The following SEC62 variants were observed in gnomAD, a reference collection of about 807,000 sequenced individuals.
SEC62 encodes SEC62 preprotein translocation factor.
Under a neutral mutation model 47.5 loss-of-function variants are expected in SEC62, and 10 were observed. The observed-to-expected ratio is 0.21, with a 90% confidence interval of 0.13 to 0.36. The LOEUF (loss-of-function observed/expected upper bound fraction) is 0.36. Among genes scored for constraint, SEC62 ranks in the 10% least tolerant of loss-of-function variants. The probability of loss-of-function intolerance (pLI) is 1.00; values close to 1 mark genes in which losing one functional copy is unlikely to be tolerated. For synonymous variants in SEC62, 136 were observed against 150.5 expected (o/e 0.90, Z 0.71); for missense variants, 327 against 464.1 (o/e 0.70, Z 2.71).
chr3:169,972,580 C>CTTTT (rs11391826), intron 1 of SEC62, among the ~76,000 whole-genome samples: 21 of 114,926 alleles, frequency 1.8e-4, no homozygotes, highest in Non-Finnish European at 2.1e-4. Flanking sequence ...CTTTTTCTAT[C>CTTTT]TTTTTTTTTT....
chr3:169,993,096 C>A lies in SEC62; in HGVS notation c.*33C>A. Reference sequence around the variant, plus strand: ...AATTTTGGGACTGAATGAATAAGTACAAGAGGTTGGATTTTCTATGTTGGC... The same window carrying A: ...AATTTTGGGACTGAATGAATAAGTAAAAGAGGTTGGATTTTCTATGTTGGC... On this transcript the variant is annotated 3_prime_UTR_variant, in exon 8 of 8. Coordinates refer to ENST00000337002, the MANE Select transcript of SEC62 (RefSeq NM_003262.4). 1 of 1,474,018 alleles carries A rather than the reference C, an allele frequency of 6.8e-7. No homozygotes were observed. Among genetic ancestry groups the A allele is most frequent in the Non-Finnish European group, 9.1e-7 (1 of 1,100,066 alleles). The allele number at this position is 1,474,018 out of a possible 1,614,324, so 91.3% of individuals were successfully genotyped here.
intron 5 of SEC62, chr3:169,985,015 C>A (rs939358297): frequency 3.3e-5 from 5 of 152,084 alleles, no homozygotes; most frequent in African/African-American, 1.2e-4. Context: ...GAAATTAATA[C>A]AGTCATAGAG....
At chr3:169,985,522 T>A (rs1715084679) in intron 5 of SEC62, 2 of 223,018 alleles carry the variant, frequency 9.0e-6, no homozygotes, top group Non-Finnish European at 1.7e-5. Flanking sequence ...ATTATAGGCG[T>A]GAGCCACCAA....
At chr3:169,974,442 A>G (rs1714777735) in intron 1 of SEC62, among the ~76,000 whole-genome samples, 1 of 152,244 alleles carries the variant, frequency 6.6e-6, no homozygotes, top group Non-Finnish European at 1.5e-5. Flanking sequence ...GAGTAGGGAA[A>G]ATAAATTCAC....
At chr3:169,976,249 G>A (rs1193907457) in intron 2 of SEC62, among the ~76,000 whole-genome samples, 1 of 152,076 alleles carries the variant, frequency 6.6e-6, no homozygotes, top group African/African-American at 2.4e-5. Context: ...AATTAGATGA[G>A]TATGATGGCA....
chr3:169,992,618 T>C lies in SEC62; in HGVS notation c.755T>C (p.Ile252Thr), dbSNP rs1715273697. The C allele has an allele frequency of 1.2e-6, 2 of 1,613,224 alleles. No individual in the cohort carries two copies. The highest frequency in any genetic ancestry group is 1.3e-5 in the African/African-American group (1 of 74,850). Residue 252 changes from isoleucine to threonine, a missense_variant, in exon 8 of 8, where the codon ATT becomes ACT. Physicochemically the swap from Ile to Thr is moderately conservative, Grantham distance 89. Coordinates refer to ENST00000337002, the MANE Select transcript of SEC62 (RefSeq NM_003262.4). The surrounding 1 kb of genome is among the most constrained non-coding windows in gnomAD (Gnocchi z 4.0). ...AVARCILFLI[I>T]WLITGGRHHF... is the part of the protein sequence containing the mutation. ...GCTCGATGCATTCTATTTCTCATCA[T>C]TTGGCTCATAACTGGAGGAAGGCAC...
chr3:169,968,019 G>C (rs1033239023), intron 1 of SEC62, among the ~76,000 whole-genome samples: 24 of 152,044 alleles, frequency 1.6e-4, no homozygotes, highest in African/African-American at 5.8e-4. Flanking sequence ...TTTGGAATTT[G>C]GCAGAAATAA....
chr3:169,991,530 T>C (rs1331249431), intron 7 of SEC62, among the ~76,000 whole-genome samples: 2 of 152,194 alleles, frequency 1.3e-5, no homozygotes, highest in East Asian at 3.9e-4. Context: ...CTGGGCAACT[T>C]GGCAAGACCC....
rs139955653 is a variant in SEC62, at chr3:169,987,646, C to T, written c.611-594C>T. Reference sequence around the variant, plus strand: ...TTAATCCTGGTCTTATTCTAAAGACCTAATAACCAGGCTTCTAATTTCTTA... The same window carrying T: ...TTAATCCTGGTCTTATTCTAAAGACTTAATAACCAGGCTTCTAATTTCTTA... On this transcript the variant is annotated intron_variant, in intron 6 of 7. Transcript: ENST00000337002. 1.4e-3 allele frequency among the ~76,000 whole-genome samples: 212 copies of T among 152,220 alleles called. 1 individual carries two copies. The highest frequency in any genetic ancestry group is 5.1e-3 in the African/African-American group (211 of 41,542).
chr3:169,995,843 C>T lies in SEC62; in HGVS notation c.*2780C>T, dbSNP rs1439736289. The T allele has an allele frequency of 1.3e-5, 2 of 152,096 alleles. No individual in the cohort carries two copies. Among genetic ancestry groups the T allele is most frequent in the Admixed American group, 6.6e-5 (1 of 15,262 alleles). The allele number at this position is 152,096 out of a possible 1,614,324, so 9.4% of individuals were successfully genotyped here. A position where few individuals can be genotyped will look rare whatever the true frequency, so the allele number is the denominator to read the frequency against. The stretch of plus-strand genomic sequence containing the variant: ...GTAAAGACACCTTATTTAATATAAT[C>T]GATTCATTAACATTGAAGTCATGAC... On this transcript the variant is annotated 3_prime_UTR_variant, in exon 8 of 8. Coordinates refer to ENST00000337002, the MANE Select transcript of SEC62 (RefSeq NM_003262.4).
chr3:169,981,983 G>A (rs540023766), intron 3 of SEC62, among the ~76,000 whole-genome samples: 1 of 152,216 alleles, frequency 6.6e-6, no homozygotes, highest in East Asian at 1.9e-4. Context: ...TAAGTAAAGG[G>A]AACAGCCAGT....
rs1049192099 is a variant in SEC62 at position 169,994,235 on chromosome 3, T to C, written c.*1172T>C. 6.6e-6 allele frequency: 1 copy of C among 152,650 alleles called. No homozygotes were observed. The highest frequency in any genetic ancestry group is 1.5e-5 in the Non-Finnish European group (1 of 68,026). 9.5% of individuals were successfully genotyped at this position (152,650 alleles called of 1,614,324 possible). On this transcript the variant is annotated 3_prime_UTR_variant, in exon 8 of 8. Transcript: ENST00000337002. ...AGTTTTGCAGTTTGACTTTACGTCT[T>C]ATACATCTTAGTTACAAGTCTTTGG...
In SEC62 at chr3:169,992,994, G is replaced by A. The variant is rs780303617; in HGVS notation, c.1131G>A (p.Gly377=). Residue 377 remains glycine, a synonymous_variant, in exon 8 of 8, where the codon GGG becomes GGA. Transcript: ENST00000337002. This position sits in a 1 kb window ranked among gnomAD's most constrained non-coding sequence, Gnocchi z 4.0. ...AGGAACTGGAACAGCAAACAGATGG[G>A]GATTGTGAAGAGGATGAGGAAGAGG... ...TKEELEQQTD[G]DCEEDEEEEN... is the part of the protein sequence containing the mutation. 3.6e-5 allele frequency: 58 copies of A among 1,613,578 alleles called. No homozygotes were observed. The highest frequency in any genetic ancestry group is 4.7e-5 in the Non-Finnish European group (56 of 1,179,822).
chr3:169,980,691 G>A (rs1426496673), intron 3 of SEC62, among the ~76,000 whole-genome samples: 1 of 152,094 alleles, frequency 6.6e-6, no homozygotes, highest in Non-Finnish European at 1.5e-5. Context: ...GTAAATTTAA[G>A]AAAATGGGAA....
In SEC62 at chr3:169,992,892, G is replaced by A. The variant is rs758947907; in HGVS notation, c.1029G>A (p.Thr343=). The A allele has an allele frequency of 5.6e-6, 9 of 1,613,764 alleles. No homozygotes were observed. Among genetic ancestry groups the A allele is most frequent in the African/African-American group, 1.3e-5 (1 of 74,834 alleles). The part of the protein sequence containing the change: ...EGSGGERHSD[T]DSDRREDDRS... ...CGGGGGGAGAACGGCATTCAGACAC[G>A]GACAGTGACAGGAGGGAAGATGATC... Residue 343 remains threonine (T), a synonymous_variant, in exon 8 of 8, where the codon ACG becomes ACA. Coordinates refer to ENST00000337002, the MANE Select transcript of SEC62 (RefSeq NM_003262.4). The surrounding 1 kb of genome is among the most constrained non-coding windows in gnomAD (Gnocchi z 4.0).
At chr3:169,968,278 T>TA (rs1714606250) in intron 1 of SEC62, 1 of 152,232 alleles carries the variant, frequency 6.6e-6, no homozygotes, top group South Asian at 2.1e-4. Flanking sequence ...TGCCCTTCAA[T>TA]ACACATTGTT....
At chr3:169,991,822 A>T (rs1022279996) in intron 7 of SEC62, among the ~76,000 whole-genome samples, 3 of 152,248 alleles carry the variant, frequency 2.0e-5, no homozygotes, top group South Asian at 2.1e-4. Context: ...CAAGATACAT[A>T]TAGGGGTCCA....
chr3:169,980,534 C>T, intron 3 of SEC62, among the ~76,000 whole-genome samples: 1 of 152,150 alleles, frequency 6.6e-6, no homozygotes, highest in East Asian at 1.9e-4. Flanking sequence ...TGGGGGTGGG[C>T]AGCTGTGCAG....
intron 1 of SEC62, chr3:169,969,301 C>A: frequency 2.2e-6 from 1 of 456,462 alleles, no homozygotes; most frequent in Non-Finnish European, 4.4e-6. Context: ...ATTTCAGATT[C>A]TCGTGTCCCA....
Sources: allele counts gnomAD v4.1 joint callset (sites outside exome capture counted in the v4.1 genomes callset), GRCh38; gene constraint gnomAD v4.1.1; non-coding constraint Gnocchi (gnomAD v3.1); transcripts MANE v1.5; gene names NCBI Gene and HGNC (gene_info 2026-07-23, HGNC 2026-07-21).